Variants in LPP observed in about 807,000 individuals in gnomAD.
LPP encodes lipoma-preferred partner.
LPP carries 38 observed loss-of-function variants against 60.4 expected under a neutral mutation model. The observed-to-expected ratio is 0.63, with a 90% CI of 0.49 to 0.83. The LOEUF (loss-of-function observed/expected upper bound fraction) is 0.83. Ranked by LOEUF, LPP falls within the 40% of genes least tolerant of loss-of-function variation. The probability of loss-of-function intolerance (pLI) is 0.00; values close to 1 mark genes in which losing one functional copy is unlikely to be tolerated. For synonymous variants in LPP, 328 were observed against 290.8 expected (o/e 1.13, Z -1.30); for missense variants, 902 against 783.6 (o/e 1.15, Z -1.80).
chr3:188,552,459 C>G (rs553758673), intron 6 of LPP, among the ~76,000 whole-genome samples: 1 of 152,292 alleles, frequency 6.6e-6, no homozygotes, highest in African/African-American at 2.4e-5. Context: ...TCTATTATTG[C>G]TGTAACAAGA....
chr3:188,240,053 C>G (rs1723385190), intron 2 of LPP: 2 of 197,702 alleles, frequency 1.0e-5, no homozygotes, highest in East Asian at 7.8e-5. Flanking sequence ...ACTTGAGCAC[C>G]TAGATCTCTG....
chr3:188,276,502 G>A (rs1410324914), intron 2 of LPP, among the ~76,000 whole-genome samples: 1 of 152,130 alleles, frequency 6.6e-6, no homozygotes, highest in African/African-American at 2.4e-5. Flanking sequence ...TTGGATATTT[G>A]TCCCCGTCCA....
chr3:188,748,675 C>T (rs1260916048), intron 8 of LPP, among the ~76,000 whole-genome samples: 3 of 152,018 alleles, frequency 2.0e-5, no homozygotes, highest in South Asian at 2.1e-4. Context: ...CCCAGCTACT[C>T]GGGAGGCTGA....
intron 7 of LPP, among the ~76,000 whole-genome samples, chr3:188,624,748 T>TC (rs1463455415): frequency 3.2e-5 from 4 of 126,440 alleles, no homozygotes; most frequent in East Asian, 3.0e-4. Context: ...TCCCTTCCCT[T>TC]CCCTTCTCCT....
intron 8 of LPP, chr3:188,711,738 G>T (rs546305835): frequency 6.6e-6 from 1 of 152,326 alleles, no homozygotes; most frequent in South Asian, 2.1e-4. Flanking sequence ...TAGGATATGT[G>T]TACAGAGTTA....
At chr3:188,417,558 A>G (rs190075409) in intron 4 of LPP, among the ~76,000 whole-genome samples, 7 of 152,284 alleles carry the variant, frequency 4.6e-5, no homozygotes, top group Non-Finnish European at 4.4e-5. Flanking sequence ...CAATGTGAAC[A>G]GAGTGACTTC....
intron 6 of LPP, among the ~76,000 whole-genome samples, chr3:188,535,791 A>G (rs1339134602): frequency 6.6e-6 from 1 of 152,188 alleles, no homozygotes; most frequent in Non-Finnish European, 1.5e-5. Flanking sequence ...AGATAACATA[A>G]GAAAGAAATA....
At chr3:188,337,088 A>C (rs1381142158) in intron 2 of LPP, among the ~76,000 whole-genome samples, 2 of 151,762 alleles carry the variant, frequency 1.3e-5, no homozygotes, top group South Asian at 2.1e-4. Flanking sequence ...AGATTAAGTG[A>C]CTCTACCTTC....
At chr3:188,869,678 AG>A (rs957382626) in intron 10 of LPP, among the ~76,000 whole-genome samples, 2 of 152,208 alleles carry the variant, frequency 1.3e-5, no homozygotes, top group African/African-American at 4.8e-5. Flanking sequence ...ATTTTAATTC[AG>A]GTCTGGAGTG....
In LPP at chr3:188,609,763, G is replaced by A. The variant is rs747714275; in HGVS notation, c.1032G>A (p.Gly344=). 7 of 1,614,012 alleles carry A rather than the reference G, an allele frequency of 4.3e-6. No homozygotes were observed. The highest frequency in any genetic ancestry group is 5.9e-6 in the Non-Finnish European group (7 of 1,179,996). ...PPGAGNQNPP[G]MYPVTGPKKT... ...GAGCAGGGAACCAGAACCCTCCTGG[G>A]ATGTATCCAGTCACTGGTCCCAAGA... The change falls in exon 7 of 12, where the codon GGG becomes GGA. Residue 344 remains glycine, a synonymous_variant. Coordinates refer to ENST00000617246, the MANE Select transcript of LPP (RefSeq NM_001375462.1). The surrounding 1 kb of genome is among the most constrained non-coding windows in gnomAD (Gnocchi z 6.9).
chr3:188,299,169 T>A (rs1239534564), intron 2 of LPP, among the ~76,000 whole-genome samples: 1 of 152,222 alleles, frequency 6.6e-6, no homozygotes, highest in Non-Finnish European at 1.5e-5. Flanking sequence ...TCACACAGCC[T>A]CGGACTCTCC....
chr3:188,647,218 C>A (rs1162047087), intron 7 of LPP, among the ~76,000 whole-genome samples: 1 of 152,218 alleles, frequency 6.6e-6, no homozygotes, highest in Non-Finnish European at 1.5e-5. Flanking sequence ...CCTGGGCCCA[C>A]CCTGTGCAGG....
At chr3:188,378,347 G>A (rs929492325) in intron 3 of LPP, among the ~76,000 whole-genome samples, 27 of 152,214 alleles carry the variant, frequency 1.8e-4, no homozygotes, top group Non-Finnish European at 3.4e-4. Flanking sequence ...AGCTGTGGTG[G>A]GCTCCACCGA....
intron 6 of LPP, among the ~76,000 whole-genome samples, chr3:188,547,463 G>A (rs1452213641): frequency 1.3e-5 from 2 of 152,144 alleles, no homozygotes. Context: ...GCTCTCCAAG[G>A]TCAGCCTCCT....
chr3:188,783,827 G>A (rs1740633580), intron 9 of LPP, among the ~76,000 whole-genome samples: 1 of 151,894 alleles, frequency 6.6e-6, no homozygotes, highest in East Asian at 1.9e-4. Context: ...CTTCCATGTT[G>A]CCAAAACCGT....
rs141731350 is a variant in LPP at position 188,753,580 on chromosome 3, C to CGTGTGTGTGTGT, written c.1241-6508_1241-6497dup. 2.6e-3 allele frequency among the ~76,000 whole-genome samples: 370 copies of CGTGTGTGTGTGT among 139,624 alleles called. 2 individuals are homozygous for CGTGTGTGTGTGT. The highest frequency in any genetic ancestry group is 4.1e-3 in the African/African-American group (150 of 36,964). 91.6% of individuals were successfully genotyped at this position (139,624 alleles called of 152,430 possible). A position where few individuals can be genotyped will look rare whatever the true frequency, so the allele number is the denominator to read the frequency against. On this transcript the variant is annotated intron_variant, in intron 8 of 11. Transcript: ENST00000617246. ...CCTTGGGGTTTTGGCTTGTTGTGTG[C>CGTGTGTGTGTGT]GTGTGTGTGTGTGTGTGTGTGTGTG...
intron 4 of LPP, among the ~76,000 whole-genome samples, chr3:188,417,347 C>T (rs187243804): frequency 1.4e-4 from 22 of 151,998 alleles, no homozygotes; most frequent in African/African-American, 4.6e-4. Flanking sequence ...GCATCACAGA[C>T]GAGGACACAT....
chr3:188,721,852 A>G (rs1194267095), intron 8 of LPP, among the ~76,000 whole-genome samples: 1 of 152,176 alleles, frequency 6.6e-6, no homozygotes, highest in Non-Finnish European at 1.5e-5. Context: ...TCACTGTGAC[A>G]TCTTAGGCCG....
chr3:188,607,410 TA>T (rs1560628892), intron 6 of LPP, among the ~76,000 whole-genome samples: 1,845 of 45,082 alleles, frequency 0.041, 84 homozygotes, highest in Non-Finnish European at 0.058. Context: ...TATATATATA[TA>T]TATATAATTT....
Sources: gnomAD v4.1 joint callset for allele counts (sites outside exome capture counted in the v4.1 genomes callset) on GRCh38, gnomAD v4.1.1 for gene constraint, Gnocchi (gnomAD v3.1) non-coding constraint, MANE v1.5 for transcripts, NCBI Gene and HGNC (gene_info 2026-07-23, HGNC 2026-07-21) for gene names.